Variants in PIEZO1 observed in about 807,000 individuals in gnomAD.
PIEZO1 encodes piezo-type mechanosensitive ion channel component 1.
In PIEZO1, 296 loss-of-function variants were observed where a neutral mutation model predicts 297.2. The observed-to-expected ratio is 1.00, with a 90% CI of 0.91 to 1.10. The LOEUF is 1.10. Among genes scored for constraint, PIEZO1 ranks in the 50% least tolerant of loss-of-function variants. The pLI is 0.00. For synonymous variants in PIEZO1, 2,427 were observed against 1,507.5 expected (o/e 1.61, Z -14.13); for missense variants, 5,018 against 3,455.5 (o/e 1.45, Z -11.34).
chr16:88,762,226 G>T (rs1445334911), intron 1 of PIEZO1, among the ~76,000 whole-genome samples: 1 of 152,162 alleles, frequency 6.6e-6, no homozygotes, highest in Non-Finnish European at 1.5e-5. Context: ...GAGCTCAGGG[G>T]TCTGGGCAGA....
chr16:88,764,046 C>T (rs1177157463), intron 1 of PIEZO1, among the ~76,000 whole-genome samples: 1 of 152,136 alleles, frequency 6.6e-6, no homozygotes, highest in Non-Finnish European at 1.5e-5. Flanking sequence ...ACAGTTAGCA[C>T]CAGATGCTGA....
At chr16:88,757,319 C>CG (rs1221139366) in intron 1 of PIEZO1, among the ~76,000 whole-genome samples, 2,275 of 8,720 alleles carry the variant, frequency 0.26, 207 homozygotes, top group Non-Finnish European at 0.34. Context: ...GCGTTGCTGG[C>CG]GGGGGGGTGG....
chr16:88,742,439 G>C lies in PIEZO1; in HGVS notation c.161-17C>G. 6.5e-7 allele frequency: 1 copy of C among 1,533,624 alleles called. No individual in the cohort carries two copies. Among genetic ancestry groups the C allele is most frequent in the Non-Finnish European group, 8.7e-7 (1 of 1,146,218 alleles). Reference sequence around the variant, plus strand: ...CTGTGTGACCTGCGGCAGAGCGAGTGGGTGAGGCTGGTCCCGGGGACGGGG... The same window carrying C: ...CTGTGTGACCTGCGGCAGAGCGAGTCGGTGAGGCTGGTCCCGGGGACGGGG... On this transcript the variant is annotated splice_polypyrimidine_tract_variant and intron_variant, in intron 2 of 50. Transcript: ENST00000301015.
At chr16:88,766,071 G>A (rs1180996401) in intron 1 of PIEZO1, among the ~76,000 whole-genome samples, 1 of 152,216 alleles carries the variant, frequency 6.6e-6, no homozygotes, top group Non-Finnish European at 1.5e-5. Flanking sequence ...TCGGCAGCGT[G>A]GGTGCCGTGG....
Position 88,727,178 on chromosome 16 carries a change from G to T in PIEZO1, c.3316C>A (p.Leu1106Met). ...TGCCACTGCTGGGAGGCGCACAGCA[G>T]CAGGAGAAAGTCGCCTGCAGGACAC... is the stretch of plus-strand genomic sequence containing the variant. ...STNLISDFLL[L>M]LCASQQWQVF... Residue 1106 changes from leucine (L) to methionine (M), a missense_variant, in exon 24 of 51, where the codon CTG becomes ATG. Leu to Met is a conservative substitution (Grantham distance 15, BLOSUM62 2). Transcript: ENST00000301015. The T allele has an allele frequency of 6.5e-7, 1 of 1,542,480 alleles. No individual in the cohort carries two copies. The highest frequency in any genetic ancestry group is 8.8e-7 in the Non-Finnish European group (1 of 1,142,190).
Position 88,721,544 on chromosome 16 carries a change from C to G in PIEZO1, c.5397G>C (p.Gln1799His). ...AGCCAAGGCTCACACTCACCAGCAG[C>G]TGGGAGCGGTGGAAGAAAAGGGCCA... Reference protein sequence around the residue: ...QLMALFFHRSQLLCYGLWDHE... With the variant: ...QLMALFFHRSHLLCYGLWDHE... The change falls in exon 38 of 51, where the codon CAG becomes CAC. Residue 1799 changes from glutamine to histidine, a missense_variant. Coordinates refer to ENST00000301015, the MANE Select transcript of PIEZO1 (RefSeq NM_001142864.4). The G allele has an allele frequency of 1.9e-6, 3 of 1,548,956 alleles. No individual in the cohort carries two copies. Among genetic ancestry groups the G allele is most frequent in the South Asian group, 2.4e-5 (2 of 83,958 alleles).
In PIEZO1 at chr16:88,737,704, G is replaced by A. The variant is rs559720262; in HGVS notation, c.1107+24C>T. ...CTGGCCGGGCGCCCCCCACGCTGGCGTCTCCACCTGCCTGGCTGCTCACCT... is the reference window on the plus strand; with the variant it reads ...CTGGCCGGGCGCCCCCCACGCTGGCATCTCCACCTGCCTGGCTGCTCACCT... On this transcript the variant is annotated intron_variant, in intron 9 of 50. Transcript: ENST00000301015. 413 of 1,534,202 alleles carry A rather than the reference G, an allele frequency of 2.7e-4. 3 individuals are homozygous for A. Among genetic ancestry groups the A allele is most frequent in the Admixed American group, 2.4e-3 (124 of 51,000 alleles).
Position 88,716,294 on chromosome 16 carries a change from G to T in PIEZO1, c.7050-17C>A. ...GGGATGACCCTGCAGGGAGGTGCTG[G>T]CAGGTCAGGCCTGGCCCAGCCAACC... On this transcript the variant is annotated splice_polypyrimidine_tract_variant and intron_variant, in intron 48 of 50. Coordinates refer to ENST00000301015, the MANE Select transcript of PIEZO1 (RefSeq NM_001142864.4). The T allele has an allele frequency of 6.7e-7, 1 of 1,489,100 alleles. No individual in the cohort carries two copies. The highest frequency in any genetic ancestry group is 1.3e-5 in the South Asian group (1 of 74,298). The allele number at this position is 1,489,100 out of a possible 1,614,324, so 92.2% of individuals were successfully genotyped here. A position where few individuals can be genotyped will look rare whatever the true frequency, so the allele number is the denominator to read the frequency against.
rs369091041 is a variant in PIEZO1 at position 88,736,703 on chromosome 16, G to A, written c.1232C>T (p.Pro411Leu). The A allele has an allele frequency of 1.9e-4, 287 of 1,532,848 alleles. No individual in the cohort carries two copies. The highest frequency in any genetic ancestry group is 1.4e-3 in the African/African-American group (104 of 72,988). The allele number at this position is 1,532,848 out of a possible 1,614,324, so 95.0% of individuals were successfully genotyped here. A position where few individuals can be genotyped will look rare whatever the true frequency, so the allele number is the denominator to read the frequency against. Residue 411 changes from proline (P) to leucine (L), a missense_variant, in exon 11 of 51, where the codon CCG (proline) becomes CTG (leucine). Transcript: ENST00000301015. ...GATGAGGTGGCCCAGGCTGTGGAGCGGAGACGCCTCCCTGGGCTCAGCCCG... is the reference window on the plus strand; with the variant it reads ...GATGAGGTGGCCCAGGCTGTGGAGCAGAGACGCCTCCCTGGGCTCAGCCCG... ...PKRAEPREAS[P>L]LHSLGHLIMD...
In PIEZO1 at chr16:88,724,753, C is replaced by T. The variant is rs768724165; in HGVS notation, c.4234+256G>A. Among the ~76,000 whole-genome samples, 2 of 152,148 alleles carry T rather than the reference C, an allele frequency of 1.3e-5. 1 individual carries two copies. Among genetic ancestry groups the T allele is most frequent in the Admixed American group, 1.3e-4 (2 of 15,278 alleles). On this transcript the variant is annotated intron_variant, in intron 30 of 50. Transcript: ENST00000301015. ...CTGGGTCCCAGGTGAGATCGCTGCT[C>T]GACCACCATGTGTCATCGGGGCAAG...
chr16:88,721,153 A>G lies in PIEZO1; in HGVS notation c.5668+13T>C. 6.8e-7 allele frequency: 1 copy of G among 1,475,772 alleles called. No homozygotes were observed. Among genetic ancestry groups the G allele is most frequent in the Middle Eastern group, 1.8e-4 (1 of 5,652 alleles). 91.4% of individuals were successfully genotyped at this position (1,475,772 alleles called of 1,614,324 possible). ...CTGGGTAGGCAGGAGGTTGTGAGGC[A>G]GGGCGCTTATACCGATGGCTGCCGC... is the stretch of plus-strand genomic sequence containing the variant. On this transcript the variant is annotated intron_variant, in intron 39 of 50. Coordinates refer to ENST00000301015, the MANE Select transcript of PIEZO1 (RefSeq NM_001142864.4).
Position 88,767,976 on chromosome 16 carries a change from C to T in PIEZO1, c.64+16925G>A, listed in dbSNP as rs556651682. On this transcript the variant is annotated intron_variant, in intron 1 of 50. Transcript: ENST00000301015. ...CTTCTCCCGCTCCCTCCCCCGGGTC[C>T]AGACCCCAGGTCCCTGAGATTTCCC... Among the ~76,000 whole-genome samples, 42 of 152,324 alleles carry T rather than the reference C, an allele frequency of 2.8e-4. No individual in the cohort carries two copies. In the South Asian group the frequency reaches 8.1e-3, roughly 29 times the overall value.
chr16:88,775,426 C>T (rs1567488440), intron 1 of PIEZO1, among the ~76,000 whole-genome samples: 1 of 152,234 alleles, frequency 6.6e-6, no homozygotes, highest in African/African-American at 2.4e-5. Flanking sequence ...GAAATGCCTG[C>T]TCTTAAAAAC....
rs888324060 is a variant in PIEZO1, at chr16:88,733,631, A to G, written c.2444T>C (p.Phe815Ser). The change falls in exon 18 of 51, where the codon TTC (phenylalanine) becomes TCC (serine). Residue 815 changes from phenylalanine (F) to serine (S), a missense_variant. Physicochemically the swap from Phe to Ser is radical, Grantham distance 155. Coordinates refer to ENST00000301015, the MANE Select transcript of PIEZO1 (RefSeq NM_001142864.4). Reference sequence around the variant, plus strand: ...GACGGTGTACAGGGCCACCAGCTTGAAAACGTGAAGCTCCAGCAGCCGCCG... The same window carrying G: ...GACGGTGTACAGGGCCACCAGCTTGGAAACGTGAAGCTCCAGCAGCCGCCG... ...FLRRLLELHVFKLVALYTVWV... is the reference protein window; with the variant it reads ...FLRRLLELHVSKLVALYTVWV... 2.6e-6 allele frequency: 4 copies of G among 1,549,436 alleles called. No individual in the cohort carries two copies. The highest frequency in any genetic ancestry group is 2.0e-5 in the Admixed American group (1 of 50,922).
intron 50 of PIEZO1, 26 bp downstream of exon 50, chr16:88,715,907 G>C: frequency 6.5e-7 from 1 of 1,534,196 alleles, no homozygotes; most frequent in Non-Finnish European, 8.8e-7. Context: ...CCGAGCTGCG[G>C]GGTGCCCCCC....
intron 1 of PIEZO1, among the ~76,000 whole-genome samples, chr16:88,778,232 C>A (rs546612186): frequency 2.2e-4 from 33 of 152,274 alleles, no homozygotes; most frequent in South Asian, 6.2e-4. Flanking sequence ...GCTGTGGCAC[C>A]GAGAGCCGGC....
At chr16:88,743,176 C>G (rs1183919762) in intron 2 of PIEZO1, 1 of 455,822 alleles carries the variant, frequency 2.2e-6, no homozygotes, top group South Asian at 1.6e-5. Flanking sequence ...GGGAGGCCTT[C>G]GGCTGCAGGG....
Position 88,732,400 on chromosome 16 carries a change from C to G in PIEZO1, c.2926G>C (p.Asp976His). ...VFASGTRQQL[D>H]QDLLGCLKYF... ...TTGAGGCAGCCGAGCAGATCCTGGT[C>G]CAGCTGCTGGCGGGTGCCGCTGGCA... The change falls in exon 21 of 51, where the codon GAC becomes CAC. Residue 976 changes from aspartate (D) to histidine (H), a missense_variant. Coordinates refer to ENST00000301015, the MANE Select transcript of PIEZO1 (RefSeq NM_001142864.4). 6.5e-7 allele frequency: 1 copy of G among 1,549,826 alleles called. No homozygotes were observed. Among genetic ancestry groups the G allele is most frequent in the Non-Finnish European group, 8.7e-7 (1 of 1,146,576 alleles).
intron 1 of PIEZO1, among the ~76,000 whole-genome samples, chr16:88,776,961 G>C (rs1907694724): frequency 6.6e-6 from 1 of 152,156 alleles, no homozygotes; most frequent in Non-Finnish European, 1.5e-5. Context: ...CCAGGCTGAA[G>C]TGTCAGGATT....
Sources: gnomAD v4.1 joint callset for allele counts (sites outside exome capture counted in the v4.1 genomes callset) on GRCh38, gnomAD v4.1.1 for gene constraint, MANE v1.5 for transcripts, NCBI Gene and HGNC (gene_info 2026-07-23, HGNC 2026-07-21) for gene names.